The following LINGO2 variants were observed in gnomAD, a reference collection of about 807,000 sequenced individuals.
LINGO2 encodes leucine rich repeat and Ig domain containing 2, also known as leucine-rich repeat and immunoglobulin-like domain-containing nogo receptor-interacting protein 2.
Under a neutral mutation model 30.6 loss-of-function variants are expected in LINGO2, and 14 were observed. The ratio of observed to expected loss-of-function variants is 0.46; its 90% CI spans 0.30 to 0.72. LINGO2 has a LOEUF of 0.72. Ranked by LOEUF, LINGO2 falls within the 30% of genes least tolerant of loss-of-function variation. LINGO2 has a pLI of 0.07. For synonymous variants in LINGO2, 317 were observed against 288.5 expected (o/e 1.10, Z -1.00); for missense variants, 729 against 751.7 (o/e 0.97, Z 0.35).
chr9:29,195,469 T>A, the LINGO2 span, among the ~76,000 whole-genome samples: 1 of 152,148 alleles, frequency 6.6e-6, no homozygotes, highest in African/African-American at 2.4e-5. Context: ...ACTTCCAAAT[T>A]ATTTTCCAAT....
chr9:29,172,046 G>C, the LINGO2 span, among the ~76,000 whole-genome samples: 2 of 151,950 alleles, frequency 1.3e-5, no homozygotes, highest in African/African-American at 4.8e-5. Context: ...GTGTATATTT[G>C]ACCAAAAGGC....
chr9:28,394,236 G>C (rs1485008800), intron 2 of LINGO2, among the ~76,000 whole-genome samples: 1 of 152,158 alleles, frequency 6.6e-6, no homozygotes, highest in Admixed American at 6.5e-5. Flanking sequence ...TTCACTTTGC[G>C]TAAAGACTAT....
At chr9:28,726,250 A>G in the LINGO2 span, among the ~76,000 whole-genome samples, 2 of 152,148 alleles carry the variant, frequency 1.3e-5, no homozygotes, top group Non-Finnish European at 2.9e-5. Context: ...TTCTTTATGA[A>G]CATGAGTGGA....
At chr9:28,610,245 T>A (rs888956793) in intron 1 of LINGO2, among the ~76,000 whole-genome samples, 1 of 152,164 alleles carries the variant, frequency 6.6e-6, no homozygotes, top group Non-Finnish European at 1.5e-5. Context: ...TTTTAAAATA[T>A]GAATAGACAA....
At chr9:29,212,520 C>T in the LINGO2 span, among the ~76,000 whole-genome samples, 1 of 152,258 alleles carries the variant, frequency 6.6e-6, no homozygotes, top group Non-Finnish European at 1.5e-5. Context: ...GGCTCACCTG[C>T]CACCGCGTCC....
intron 1 of LINGO2, among the ~76,000 whole-genome samples, chr9:28,489,500 AG>A (rs1826302036): frequency 6.6e-6 from 1 of 152,138 alleles, no homozygotes; most frequent in Admixed American, 6.6e-5. Flanking sequence ...TGGCTAAAAA[AG>A]GGCTTGTTCT....
At chr9:28,010,898 C>CA (rs1822521570) in intron 5 of LINGO2, among the ~76,000 whole-genome samples, 2 of 152,188 alleles carry the variant, frequency 1.3e-5, no homozygotes, top group African/African-American at 4.8e-5. Flanking sequence ...TTCGAGGCTG[C>CA]AGTGAGCCAT....
intron 4 of LINGO2, among the ~76,000 whole-genome samples, chr9:28,099,370 GT>G (rs1826342960): frequency 6.6e-6 from 1 of 152,096 alleles, no homozygotes; most frequent in Non-Finnish European, 1.5e-5. Context: ...GTGCTTTCTT[GT>G]TTTTTGTTTT....
At chr9:28,439,359 C>G (rs895570890) in intron 2 of LINGO2, among the ~76,000 whole-genome samples, 3 of 151,860 alleles carry the variant, frequency 2.0e-5, no homozygotes, top group African/African-American at 7.3e-5. Flanking sequence ...TGCTGTTCAT[C>G]AAATGTTTAT....
the LINGO2 span, among the ~76,000 whole-genome samples, chr9:29,130,193 A>G: frequency 5.4e-3 from 816 of 152,290 alleles, 11 homozygotes; most frequent in African/African-American, 0.018. Flanking sequence ...TGCAGAGGAT[A>G]TAAGTTTTTG....
the LINGO2 span, among the ~76,000 whole-genome samples, chr9:29,211,032 G>T: frequency 6.6e-6 from 1 of 152,154 alleles, no homozygotes; most frequent in Middle Eastern, 3.2e-3. Context: ...TTTCACCAAT[G>T]ATGGATCTCA....
the LINGO2 span, among the ~76,000 whole-genome samples, chr9:28,774,461 G>A: frequency 3.3e-5 from 5 of 152,036 alleles, no homozygotes; most frequent in Non-Finnish European, 7.4e-5. Flanking sequence ...ATATGCCCAT[G>A]CCTATACACA....
chr9:28,308,801 C>G (rs1321503561), intron 3 of LINGO2, among the ~76,000 whole-genome samples: 1 of 152,086 alleles, frequency 6.6e-6, no homozygotes, highest in Admixed American at 6.6e-5. Flanking sequence ...CAAAAGAAGA[C>G]ATTTATGCAG....
chr9:27,967,730 A>G (rs1168115918), intron 5 of LINGO2, among the ~76,000 whole-genome samples: 1 of 152,164 alleles, frequency 6.6e-6, no homozygotes, highest in East Asian at 1.9e-4. Context: ...GTTTTTACAC[A>G]TTAGAGAAAC....
intron 2 of LINGO2, among the ~76,000 whole-genome samples, chr9:28,418,275 C>CTTTTTT (rs3064826): frequency 1.4e-4 from 15 of 106,754 alleles, no homozygotes; most frequent in East Asian, 5.6e-4. Context: ...AGGCCATGTA[C>CTTTTTT]TTTTTTTTTT....
chr9:28,484,201 A>C (rs1344069974), intron 1 of LINGO2, among the ~76,000 whole-genome samples: 5 of 152,082 alleles, frequency 3.3e-5, no homozygotes, highest in African/African-American at 7.2e-5. Context: ...TCAAGTAATA[A>C]GCGACTCAGT....
At chr9:28,005,886 C>A (rs1822242341) in intron 5 of LINGO2, among the ~76,000 whole-genome samples, 1 of 151,894 alleles carries the variant, frequency 6.6e-6, no homozygotes. Flanking sequence ...CAACCTGGCC[C>A]AGTATTCCTT....
intron 1 of LINGO2, among the ~76,000 whole-genome samples, chr9:28,668,658 GA>G (rs921104901): frequency 2.2e-4 from 34 of 151,852 alleles, no homozygotes; most frequent in African/African-American, 7.7e-4. Context: ...ATTCAAGCAG[GA>G]AAAAAAGGTT....
intron 1 of LINGO2, among the ~76,000 whole-genome samples, chr9:28,526,538 A>T (rs114002738): frequency 2.4e-3 from 367 of 152,344 alleles, no homozygotes; most frequent in African/African-American, 8.5e-3. Flanking sequence ...GAAAACATTC[A>T]ACCCTGAAAA....
Sources: gnomAD v4.1 joint callset for allele counts (sites outside exome capture counted in the v4.1 genomes callset) on GRCh38, gnomAD v4.1.1 for gene constraint, MANE v1.5 for transcripts, NCBI Gene and HGNC (gene_info 2026-07-23, HGNC 2026-07-21) for gene names.